The following EFCAB11 variants were observed in gnomAD, a reference collection of about 807,000 sequenced individuals.
EFCAB11 encodes the protein EF-hand calcium binding domain 11, also known as EF-hand calcium-binding domain-containing protein 11.
A neutral mutation model predicts 23.0 loss-of-function variants in EFCAB11; 14 were observed. That is an observed-to-expected ratio of 0.61 (90% CI 0.40 to 0.95). The LOEUF (loss-of-function observed/expected upper bound fraction) is 0.95, where lower values mean the gene tolerates loss of function less well. Among genes scored for constraint, EFCAB11 ranks in the 40% least tolerant of loss-of-function variants. The probability of loss-of-function intolerance (pLI) is 0.00; values close to 1 mark genes in which losing one functional copy is unlikely to be tolerated. For synonymous variants in EFCAB11, 65 were observed against 66.6 expected (o/e 0.98, Z 0.11); for missense variants, 198 against 195.8 (o/e 1.01, Z -0.07).
chr14:89,951,186 C>T (rs1186728217), intron 2 of EFCAB11, among the ~76,000 whole-genome samples: 5 of 152,202 alleles, frequency 3.3e-5, no homozygotes, highest in Non-Finnish European at 7.3e-5. Context: ...CTGCCTCAAA[C>T]TCAATGTGTT....
At chr14:89,867,685 TAAGG>T (rs1357919691) in intron 5 of EFCAB11, among the ~76,000 whole-genome samples, 1 of 152,190 alleles carries the variant, frequency 6.6e-6, no homozygotes, top group Non-Finnish European at 1.5e-5. Flanking sequence ...CTGGGAAGAT[TAAGG>T]AAGTTATCAG....
At chr14:89,920,855 A>C (rs910495280) in intron 5 of EFCAB11, among the ~76,000 whole-genome samples, 2 of 152,154 alleles carry the variant, frequency 1.3e-5, no homozygotes, top group African/African-American at 4.8e-5. Context: ...ACTTGAGGTC[A>C]GGGGTTTGAG....
At chr14:89,913,960 A>C (rs1889757613) in intron 5 of EFCAB11, among the ~76,000 whole-genome samples, 1 of 152,154 alleles carries the variant, frequency 6.6e-6, no homozygotes, top group Admixed American at 6.5e-5. Flanking sequence ...TCATCTTTGT[A>C]TGCCGGAGAC....
chr14:89,812,303 G>A (rs1423388643), intron 5 of EFCAB11, among the ~76,000 whole-genome samples: 4 of 152,198 alleles, frequency 2.6e-5, no homozygotes, highest in Admixed American at 2.6e-4. Flanking sequence ...ACATATAAAA[G>A]GATATTTGAA....
At chr14:89,834,970 A>G (rs17126387) in intron 5 of EFCAB11, among the ~76,000 whole-genome samples, 1 of 152,148 alleles carries the variant, frequency 6.6e-6, no homozygotes, top group Non-Finnish European at 1.5e-5. Flanking sequence ...TTAGTGCTGA[A>G]GAAAGTTAGC....
At chr14:89,916,212 A>G (rs1385614894) in intron 5 of EFCAB11, among the ~76,000 whole-genome samples, 1 of 144,808 alleles carries the variant, frequency 6.9e-6, no homozygotes, top group Non-Finnish European at 1.5e-5. Flanking sequence ...CAAGTTGTCT[A>G]TGAGAAGTAC....
intron 5 of EFCAB11, among the ~76,000 whole-genome samples, chr14:89,812,204 A>T (rs984971492): frequency 1.6e-4 from 24 of 152,244 alleles, no homozygotes; most frequent in Non-Finnish European, 3.5e-4. Flanking sequence ...TTCCATTTTT[A>T]AAAAGTACCC....
At chr14:89,829,362 G>A (rs181044656) in intron 5 of EFCAB11, among the ~76,000 whole-genome samples, 7 of 152,288 alleles carry the variant, frequency 4.6e-5, no homozygotes, top group East Asian at 1.9e-4. Context: ...AGGCTAGTGC[G>A]TTAAATCTTA....
At chr14:89,880,266 T>C (rs1043821669) in intron 5 of EFCAB11, among the ~76,000 whole-genome samples, 1 of 152,164 alleles carries the variant, frequency 6.6e-6, no homozygotes, top group Non-Finnish European at 1.5e-5. Context: ...CTTTCCACCA[T>C]GTGACACACC....
At chr14:89,908,039 A>C (rs897719189) in intron 5 of EFCAB11, among the ~76,000 whole-genome samples, 1 of 152,234 alleles carries the variant, frequency 6.6e-6, no homozygotes, top group Admixed American at 6.5e-5. Context: ...ACTCACTGGA[A>C]TAGCCCCCCA....
chr14:89,813,834 G>T (rs376526330), intron 5 of EFCAB11, among the ~76,000 whole-genome samples: 6 of 152,296 alleles, frequency 3.9e-5, no homozygotes, highest in South Asian at 4.1e-4. Context: ...CATAATGTGA[G>T]TTTATAAGAA....
At chr14:89,861,087 T>C (rs1887905771) in intron 5 of EFCAB11, among the ~76,000 whole-genome samples, 1 of 152,194 alleles carries the variant, frequency 6.6e-6, no homozygotes, top group Admixed American at 6.5e-5. Flanking sequence ...AACACTGTCT[T>C]CTCTTTGCTT....
At chr14:89,885,721 GAGAGAA>G (rs1888738525) in intron 5 of EFCAB11, among the ~76,000 whole-genome samples, 1 of 137,536 alleles carries the variant, frequency 7.3e-6, no homozygotes, top group East Asian at 2.1e-4. Context: ...AAGAAAGAGA[GAGAGAA>G]AGAGAGAGAG....
At chr14:89,853,356 TA>T (rs1181868285) in intron 5 of EFCAB11, among the ~76,000 whole-genome samples, 2 of 152,190 alleles carry the variant, frequency 1.3e-5, no homozygotes, top group Admixed American at 1.3e-4. Flanking sequence ...CTCTACTATA[TA>T]AAAATATATA....
chr14:89,889,137 T>A (rs1352733593), intron 5 of EFCAB11, among the ~76,000 whole-genome samples: 2 of 152,170 alleles, frequency 1.3e-5, no homozygotes, highest in Non-Finnish European at 2.9e-5. Flanking sequence ...TTAAGAGCCA[T>A]GAAACAACAC....
In EFCAB11 at chr14:89,834,375, CAAAAAAAAAAAAAAA is replaced by C. The variant is rs5810476; in HGVS notation, c.411-37066_411-37052del. 9.5e-3 allele frequency among the ~76,000 whole-genome samples: 309 copies of C among 32,456 alleles called. 2 individuals are homozygous for C. Among genetic ancestry groups the C allele is most frequent in the African/African-American group, 0.027 (305 of 11,410 alleles). 21.3% of individuals were successfully genotyped at this position (32,456 alleles called of 152,430 possible). A position where few individuals can be genotyped will look rare whatever the true frequency, so the allele number is the denominator to read the frequency against. On this transcript the variant is annotated intron_variant, in intron 5 of 5. Transcript: ENST00000316738. ...TGGGCAACAGAGTGAGACTCCGTCT[CAAAAAAAAAAAAAAA>C]AAAAAAAAAAAAACCTTTTTGTTTA... is the stretch of plus-strand genomic sequence containing the variant.
chr14:89,823,108 T>G (rs922370793), intron 5 of EFCAB11, among the ~76,000 whole-genome samples: 1 of 152,120 alleles, frequency 6.6e-6, no homozygotes, highest in Non-Finnish European at 1.5e-5. Context: ...AATCTAAACC[T>G]GTGAGCACAG....
chr14:89,878,730 T>A (rs541251875), intron 5 of EFCAB11, among the ~76,000 whole-genome samples: 3 of 152,132 alleles, frequency 2.0e-5, no homozygotes, highest in Admixed American at 6.5e-5. Context: ...CTAACTTTTT[T>A]AAAAAACTGA....
intron 5 of EFCAB11, among the ~76,000 whole-genome samples, chr14:89,847,964 T>C (rs1887487053): frequency 6.6e-6 from 1 of 152,198 alleles, no homozygotes. Context: ...AAATAATGTA[T>C]GTAAAGCACG....
Sources: gnomAD v4.1 joint callset for allele counts (sites outside exome capture counted in the v4.1 genomes callset) on GRCh38, gnomAD v4.1.1 for gene constraint, MANE v1.5 for transcripts, NCBI Gene and HGNC (gene_info 2026-07-23, HGNC 2026-07-21) for gene names.